MYO10: variants seen among roughly 807,000 people sequenced by gnomAD.
MYO10 encodes the protein unconventional myosin-X.
A neutral mutation model predicts 257.3 loss-of-function variants in MYO10; 133 were observed. The ratio of observed to expected loss-of-function variants is 0.52; its 90% confidence interval spans 0.45 to 0.60. The LOEUF (loss-of-function observed/expected upper bound fraction) is 0.60. MYO10 is among the 20% of genes least tolerant of loss of function. The probability of loss-of-function intolerance (pLI) is 0.00; values close to 1 mark genes in which losing one functional copy is unlikely to be tolerated. For missense variants in MYO10, 2,399 were observed against 2,635.7 expected (o/e 0.91, Z 1.97); for synonymous variants, 1,104 against 1,028.6 (o/e 1.07, Z -1.40).
chr5:16,832,418 A>C (rs1743188704), intron 2 of MYO10, among the ~76,000 whole-genome samples: 1 of 152,100 alleles, frequency 6.6e-6, no homozygotes, highest in Admixed American at 6.5e-5. Flanking sequence ...CAGCTTTCAA[A>C]AAACAACAAA....
At position 16,781,810 on chromosome 5, in the gene MYO10, C is replaced by A; in HGVS notation, c.622G>T (p.Gly208Cys). The A allele has an allele frequency of 6.2e-7, 1 of 1,613,910 alleles. No homozygotes were observed. The highest frequency in any genetic ancestry group is 1.1e-5 in the South Asian group (1 of 91,064). ...TTGTTGTACACGGTCTTCGCATTGC[C>A]GAAAGCTTCCATGATGGGGCTGTGA... ...LESSPIMEAF[G>C]NAKTVYNNNS... Residue 208 changes from glycine to cysteine, a missense_variant, in exon 6 of 41, where the codon GGC (glycine) becomes TGC (cysteine). Physicochemically the swap from Gly to Cys is radical, Grantham distance 159. Around this residue, in one of 3 missense-constraint regions of MYO10, gnomAD observed 337 missense variants for 446.8 expected, o/e 0.75. Transcript: ENST00000513610.
At position 16,665,242 on chromosome 5, in the gene MYO10, AAAT is replaced by A. The variant is rs1736107306; in HGVS notation, c.*1447_*1449del. The A allele has an allele frequency of 6.6e-6, 1 of 151,902 alleles. No homozygotes were observed. Among genetic ancestry groups the A allele is most frequent in the Admixed American group, 6.6e-5 (1 of 15,236 alleles). 9.4% of individuals were successfully genotyped at this position (151,902 alleles called of 1,614,324 possible). ...AAAAACCACCAAAAAGCCAAAACAAAAATAAGCCTCCCCTCCATGGTTTTTAGA... is the reference window on the plus strand; with the variant it reads ...AAAAACCACCAAAAAGCCAAAACAAAAAGCCTCCCCTCCATGGTTTTTAGA... On this transcript the variant is annotated 3_prime_UTR_variant, in exon 41 of 41. Transcript: ENST00000513610.
intron 1 of MYO10, among the ~76,000 whole-genome samples, chr5:16,899,653 T>C (rs1439727497): frequency 7.1e-6 from 1 of 140,840 alleles, no homozygotes; most frequent in Non-Finnish European, 1.5e-5. Flanking sequence ...CAAAAAACAA[T>C]GTGATAAATC....
At chr5:16,816,551 T>TG (rs1235841542) in intron 3 of MYO10, among the ~76,000 whole-genome samples, 1 of 151,318 alleles carries the variant, frequency 6.6e-6, no homozygotes, top group Non-Finnish European at 1.5e-5. Context: ...TTTTTTTTTT[T>TG]GAGATGGAGT....
At chr5:16,851,778 C>T (rs551066716) in intron 2 of MYO10, among the ~76,000 whole-genome samples, 4 of 152,114 alleles carry the variant, frequency 2.6e-5, no homozygotes, top group East Asian at 3.9e-4. Flanking sequence ...AATGGCCGGG[C>T]GTGGTGGCTC....
At chr5:16,896,944 G>A (rs1023370182) in intron 1 of MYO10, among the ~76,000 whole-genome samples, 4 of 152,058 alleles carry the variant, frequency 2.6e-5, no homozygotes, top group African/African-American at 9.7e-5. Flanking sequence ...AGGAAGGAAG[G>A]GAGAAGGGAG....
intron 1 of MYO10, among the ~76,000 whole-genome samples, chr5:16,896,899 T>C (rs1745233777): frequency 6.6e-6 from 1 of 151,324 alleles, no homozygotes; most frequent in African/African-American, 2.4e-5. Context: ...CTGGTCTGCC[T>C]CCAAAACAAT....
At chr5:16,930,168 A>G (rs1439853787) in intron 1 of MYO10, among the ~76,000 whole-genome samples, 2 of 152,188 alleles carry the variant, frequency 1.3e-5, no homozygotes, top group Non-Finnish European at 2.9e-5. Flanking sequence ...AACAAGACCA[A>G]GACAGAAAGA....
chr5:16,767,290 C>T (rs1205265602), intron 10 of MYO10, among the ~76,000 whole-genome samples: 1 of 150,390 alleles, frequency 6.6e-6, no homozygotes. Context: ...CTTGCCTCAG[C>T]TTCCCAAGTA....
chr5:16,832,946 A>C (rs1344210461), intron 2 of MYO10, among the ~76,000 whole-genome samples: 2 of 152,108 alleles, frequency 1.3e-5, no homozygotes, highest in Non-Finnish European at 2.9e-5. Context: ...GCCACATTGC[A>C]AGTCCTTGGG....
At chr5:16,699,692 C>G (rs1315161437) in intron 25 of MYO10, 119 bp from the exon 26 acceptor site, 6 of 1,324,894 alleles carry the variant, frequency 4.5e-6, no homozygotes, top group Non-Finnish European at 6.2e-6. Flanking sequence ...GAGGCTGAGG[C>G]AGCAGAATCA....
intron 2 of MYO10, among the ~76,000 whole-genome samples, chr5:16,838,029 C>T (rs564389479): frequency 7.9e-5 from 12 of 152,294 alleles, no homozygotes; most frequent in Non-Finnish European, 1.5e-4. Context: ...ACTGCTCCAC[C>T]GACCAGCTGT....
intron 2 of MYO10, among the ~76,000 whole-genome samples, chr5:16,873,500 C>T (rs1744504578): frequency 6.6e-6 from 1 of 152,202 alleles, no homozygotes; most frequent in South Asian, 2.1e-4. Context: ...GACAGTGGCC[C>T]TCTTCTCACA....
intron 1 of MYO10, 91 bp downstream of exon 1, chr5:16,935,697 T>G (rs1746420787): frequency 1.3e-6 from 2 of 1,523,716 alleles, no homozygotes; most frequent in Non-Finnish European, 9.1e-7. Flanking sequence ...CTTCCAGGGC[T>G]TAGGAAAAAG....
At chr5:16,842,981 T>C (rs769513942) in intron 2 of MYO10, among the ~76,000 whole-genome samples, 25 of 151,122 alleles carry the variant, frequency 1.7e-4, no homozygotes, top group Admixed American at 1.2e-3. Flanking sequence ...ATAAGATGCC[T>C]GCTCCTACTT....
chr5:16,920,684 G>A (rs13178606), intron 1 of MYO10, among the ~76,000 whole-genome samples: 10,562 of 152,316 alleles, frequency 0.069, 433 homozygotes, highest in African/African-American at 0.11. Flanking sequence ...AAGGCCTGTA[G>A]ACTGCAGGAA....
intron 19 of MYO10, among the ~76,000 whole-genome samples, chr5:16,728,866 T>C (rs1184192008): frequency 6.6e-6 from 1 of 152,222 alleles, no homozygotes; most frequent in East Asian, 1.9e-4. Context: ...GAATAAGCAT[T>C]TAGGAACTCT....
chr5:16,891,336 G>A (rs1745046198), intron 1 of MYO10, among the ~76,000 whole-genome samples: 1 of 44,294 alleles, frequency 2.3e-5, no homozygotes, highest in South Asian at 5.4e-4. Flanking sequence ...AGGAAGGAAG[G>A]AAGGAAGGAA....
chr5:16,822,741 G>A (rs1381745376), intron 2 of MYO10, among the ~76,000 whole-genome samples: 3 of 148,866 alleles, frequency 2.0e-5, no homozygotes, highest in Non-Finnish European at 3.0e-5. Context: ...AGGCTGGAGT[G>A]CAGTGGCACA....
Sources: allele counts gnomAD v4.1 joint callset (sites outside exome capture counted in the v4.1 genomes callset), GRCh38; gene constraint gnomAD v4.1.1; regional missense constraint gnomAD v4.1.1; transcripts MANE v1.5; gene names NCBI Gene and HGNC (gene_info 2026-07-23, HGNC 2026-07-21).